ZNF354A: variants seen among roughly 807,000 people sequenced by gnomAD.
ZNF354A encodes the protein zinc finger protein 354A, also known as epididymis luminal protein 104.
A neutral mutation model predicts 53.3 loss-of-function variants in ZNF354A; 25 were observed. The ratio of observed to expected loss-of-function variants is 0.47; its 90% CI spans 0.34 to 0.66. ZNF354A has a LOEUF of 0.66. ZNF354A is among the 30% of genes least tolerant of loss of function. The probability of loss-of-function intolerance (pLI) is 0.01; values close to 1 mark genes in which losing one functional copy is unlikely to be tolerated. For synonymous variants in ZNF354A, 228 were observed against 249.0 expected (o/e 0.92, Z 0.79); for missense variants, 586 against 716.8 (o/e 0.82, Z 2.08).
At chr5:178,728,509 G>T (rs890292955) in intron 2 of ZNF354A, among the ~76,000 whole-genome samples, 1 of 151,982 alleles carries the variant, frequency 6.6e-6, no homozygotes, top group East Asian at 1.9e-4. Context: ...ATTTATTCGG[G>T]CTGGGTGCAG....
At chr5:178,717,555 G>C (rs1765738543) in intron 4 of ZNF354A, among the ~76,000 whole-genome samples, 1 of 151,978 alleles carries the variant, frequency 6.6e-6, no homozygotes, top group South Asian at 2.1e-4. Context: ...GGCTGAGGGG[G>C]CATTCTGTTT....
chr5:178,712,742 T>C lies in ZNF354A; in HGVS notation c.1136A>G (p.Glu379Gly). Residue 379 changes from glutamate (E) to glycine (G), a missense_variant, in exon 5 of 5, where the codon GAG (glutamate) becomes GGG (glycine). By Grantham distance (98) the Glu-to-Gly change is moderately conservative (BLOSUM62 -2). Around this residue, in one of 2 missense-constraint regions of ZNF354A, gnomAD observed 573 missense variants for 680.1 expected, o/e 0.84. Transcript: ENST00000335815. ...ACATTCACTACATTTAAAAGGCTTC[T>C]CTCCAGTGTGAATTCTCTGATGATA... ...LRYHQRIHTG[E>G]KPFKCSECGR... The C allele has an allele frequency of 6.2e-7, 1 of 1,613,974 alleles. No homozygotes were observed. The highest frequency in any genetic ancestry group is 1.1e-5 in the South Asian group (1 of 91,074).
intron 3 of ZNF354A, 138 bp from the exon 4 acceptor site, chr5:178,725,609 G>A (rs777707216): frequency 6.4e-6 from 5 of 777,056 alleles, no homozygotes; most frequent in Non-Finnish European, 1.0e-5. Context: ...CCCCTGGGAG[G>A]TAAGGGGGTA....
Position 178,712,283 on chromosome 5 carries a change from C to G in ZNF354A, c.1595G>C (p.Gly532Ala). 2 of 1,614,050 alleles carry G rather than the reference C, an allele frequency of 1.2e-6. No homozygotes were observed. Among genetic ancestry groups the G allele is most frequent in the East Asian group, 4.5e-5 (2 of 44,860 alleles). Reference protein sequence around the residue: ...YRCEECGISFGQSSALIQHRR... With the variant: ...YRCEECGISFAQSSALIQHRR... ...ATGCTGAATAAGAGCTGAACTTTGG[C>G]CAAAAGATATCCCACATTCCTCACA... The change falls in exon 5 of 5, where the codon GGC becomes GCC. Residue 532 changes from glycine (G) to alanine (A), a missense_variant. Gly to Ala is a moderately conservative substitution (Grantham distance 60). Coordinates refer to ENST00000335815, the MANE Select transcript of ZNF354A (RefSeq NM_005649.3).
chr5:178,711,964 GT>G lies in ZNF354A; in HGVS notation c.*95del, dbSNP rs1387322531. The G allele has an allele frequency of 4.6e-5, 67 of 1,447,238 alleles. No homozygotes were observed. The highest frequency in any genetic ancestry group is 4.4e-5 in the Non-Finnish European group (48 of 1,083,772). The allele number at this position is 1,447,238 out of a possible 1,614,324, so 89.6% of individuals were successfully genotyped here. A position where few individuals can be genotyped will look rare whatever the true frequency, so the allele number is the denominator to read the frequency against. ...ACCTAATGAGGGCTAAATTATTACAGTTTTTTTCACATCCATTACATTTATT... is the reference window on the plus strand; with the variant it reads ...ACCTAATGAGGGCTAAATTATTACAGTTTTTTCACATCCATTACATTTATT... On this transcript the variant is annotated 3_prime_UTR_variant, in exon 5 of 5. Coordinates refer to ENST00000335815, the MANE Select transcript of ZNF354A (RefSeq NM_005649.3).
chr5:178,716,362 C>G (rs909581931), intron 4 of ZNF354A, among the ~76,000 whole-genome samples: 36 of 152,156 alleles, frequency 2.4e-4, no homozygotes, highest in African/African-American at 8.4e-4. Flanking sequence ...CACCTGTCCT[C>G]ACCCCCTCTT....
chr5:178,729,842 C>G (rs1289075676), intron 1 of ZNF354A, among the ~76,000 whole-genome samples: 1 of 151,744 alleles, frequency 6.6e-6, no homozygotes, highest in Admixed American at 6.6e-5. Context: ...CCACCACGCC[C>G]GACCCCATGT....
intron 4 of ZNF354A, among the ~76,000 whole-genome samples, chr5:178,724,711 C>T (rs1232498879): frequency 6.6e-6 from 1 of 152,168 alleles, no homozygotes; most frequent in Admixed American, 6.5e-5. Context: ...TAAGGTGTGT[C>T]CTCCTAACCT....
intron 4 of ZNF354A, among the ~76,000 whole-genome samples, chr5:178,714,069 C>T (rs1460836656): frequency 4.0e-5 from 6 of 151,634 alleles, no homozygotes; most frequent in African/African-American, 1.5e-4. Flanking sequence ...TGCAGTGGCG[C>T]GATCTCGGCT....
rs759806481 is a variant in ZNF354A, at chr5:178,713,386, C to T, written c.492G>A (p.Leu164=). 6.2e-7 allele frequency: 1 copy of T among 1,613,998 alleles called. No homozygotes were observed. The highest frequency in any genetic ancestry group is 1.3e-5 in the African/African-American group (1 of 75,014). ...CTGACTTTGGGCTGAAGTTTTGGCT[C>T]AATTCAGTATTTTTATGGCTTCTTT... The part of the protein sequence containing the change: ...TIERSHKNTE[L]SQNFSPKSVL... Residue 164 remains leucine (L), a synonymous_variant, in exon 5 of 5, where the codon TTG becomes TTA. Coordinates refer to ENST00000335815, the MANE Select transcript of ZNF354A (RefSeq NM_005649.3).
At chr5:178,719,946 CAA>C (rs11327025) in intron 4 of ZNF354A, among the ~76,000 whole-genome samples, 337 of 140,816 alleles carry the variant, frequency 2.4e-3, no homozygotes, top group Middle Eastern at 3.6e-3. Context: ...GACTCCGTCT[CAA>C]AAAAAAAAAA....
At position 178,712,723 on chromosome 5, in the gene ZNF354A, A is replaced by T. The variant is rs1561615142; in HGVS notation, c.1155T>A (p.Ser385Arg). Residue 385 changes from serine to arginine, a missense_variant, in exon 5 of 5, where the codon AGT becomes AGA. Coordinates refer to ENST00000335815, the MANE Select transcript of ZNF354A (RefSeq NM_005649.3). ...IHTGEKPFKC[S>R]ECGRAFSQSA... ...TCTGGCTGAAGGCTCTCCCACATTC[A>T]CTACATTTAAAAGGCTTCTCTCCAG... 1.9e-6 allele frequency: 3 copies of T among 1,613,622 alleles called. No individual in the cohort carries two copies. Among genetic ancestry groups the T allele is most frequent in the Non-Finnish European group, 2.5e-6 (3 of 1,179,632 alleles).
chr5:178,723,977 A>G (rs55717606), intron 4 of ZNF354A, among the ~76,000 whole-genome samples: 32,959 of 149,768 alleles, frequency 0.22, 3,580 homozygotes, highest in South Asian at 0.34. Context: ...TCTAATGCCC[A>G]TCATGCTAAT....
rs752983413 is a variant in ZNF354A, at chr5:178,712,597, T to G, written c.1281A>C (p.Arg427Ser). Residue 427 changes from arginine (R) to serine (S), a missense_variant, in exon 5 of 5, where the codon AGA becomes AGC. Physicochemically the swap from Arg to Ser is moderately radical, Grantham distance 110. Around this residue, in one of 2 missense-constraint regions of ZNF354A, gnomAD observed 573 missense variants for 680.1 expected, o/e 0.84. Transcript: ENST00000335815. ...KGFTSISRLN[R>S]HRIIHTGEKF... Reference sequence around the variant, plus strand: ...TCTCTCCAGTATGAATGATTCGGTGTCTATTAAGTCGTGAAATAGAAGTAA... The same window carrying G: ...TCTCTCCAGTATGAATGATTCGGTGGCTATTAAGTCGTGAAATAGAAGTAA... The G allele has an allele frequency of 6.2e-7, 1 of 1,614,214 alleles. No individual in the cohort carries two copies. Among genetic ancestry groups the G allele is most frequent in the Non-Finnish European group, 8.5e-7 (1 of 1,180,028 alleles).
At chr5:178,728,784 A>G (rs1259591133) in intron 2 of ZNF354A, among the ~76,000 whole-genome samples, 1 of 142,756 alleles carries the variant, frequency 7.0e-6, no homozygotes, top group Non-Finnish European at 1.5e-5. Flanking sequence ...GCGAGATTCA[A>G]AAAAAAAAAA....
intron 4 of ZNF354A, among the ~76,000 whole-genome samples, chr5:178,722,023 T>C (rs1028065360): frequency 5.9e-5 from 9 of 152,308 alleles, no homozygotes; most frequent in African/African-American, 1.9e-4. Context: ...CTTTTCCCCA[T>C]CTACTGCTAC....
chr5:178,713,742 G>T, intron 4 of ZNF354A, 121 bp from the exon 5 acceptor site: 1 of 1,260,182 alleles, frequency 7.9e-7, no homozygotes, highest in Non-Finnish European at 1.1e-6. Flanking sequence ...ATATCTGTAT[G>T]AAAAAAATTG....
chr5:178,719,471 G>T (rs1395061887), intron 4 of ZNF354A, among the ~76,000 whole-genome samples: 2 of 152,192 alleles, frequency 1.3e-5, no homozygotes, highest in African/African-American at 4.8e-5. Context: ...GGAGTGTTTC[G>T]TAAGAATTGA....
At position 178,725,446 on chromosome 5, in the gene ZNF354A, C is replaced by G. The variant is rs753788680; in HGVS notation, c.186G>C (p.Val62=). 3.4e-5 allele frequency: 55 copies of G among 1,614,066 alleles called. No homozygotes were observed. The highest frequency in any genetic ancestry group is 2.7e-5 in the African/African-American group (2 of 74,944). The change falls in exon 4 of 5, where the codon GTG becomes GTC. Residue 62 remains valine (V), a synonymous_variant. Transcript: ENST00000335815. ...CTTCTCCTTGCTGCAACAGGGAGAT[C>G]ACTTTTGGTTTGGTAAATGGGAGCC... The part of the protein sequence containing the change: ...SLGLPFTKPK[V]ISLLQQGEDP...
Sources: allele counts gnomAD v4.1 joint callset (sites outside exome capture counted in the v4.1 genomes callset), GRCh38; gene constraint gnomAD v4.1.1; regional missense constraint gnomAD v4.1.1; transcripts MANE v1.5; gene names NCBI Gene and HGNC (gene_info 2026-07-23, HGNC 2026-07-21).